The following AGBL1 variants were observed in gnomAD, a reference collection of about 807,000 sequenced individuals.
AGBL1 encodes the protein AGBL carboxypeptidase 1.
Under a neutral mutation model 118.9 loss-of-function variants are expected in AGBL1, and 130 were observed. The ratio of observed to expected loss-of-function variants is 1.09; its 90% confidence interval spans 0.95 to 1.26. AGBL1 has a LOEUF of 1.26. AGBL1 is among the 50% of genes most tolerant of loss of function. The probability of loss-of-function intolerance (pLI) is 0.00; values close to 1 mark genes in which losing one functional copy is unlikely to be tolerated. For synonymous variants in AGBL1, 555 were observed against 478.9 expected, an observed-to-expected ratio of 1.16 and a Z score of -2.08; for missense variants, 1,584 against 1,298.1, an observed-to-expected ratio of 1.22 and a Z score of -3.38.
intron 18 of AGBL1, among the ~76,000 whole-genome samples, chr15:86,483,661 C>G (rs756725619): frequency 6.6e-6 from 1 of 152,028 alleles, no homozygotes; most frequent in African/African-American, 2.4e-5. Flanking sequence ...TAACTCTGCC[C>G]CAATCACTGT....
intron 17 of AGBL1, among the ~76,000 whole-genome samples, chr15:86,354,551 T>C (rs1041285808): frequency 2.0e-5 from 3 of 152,172 alleles, no homozygotes; most frequent in East Asian, 3.9e-4. Context: ...ATGTAAAATA[T>C]GAAAACAGAG....
chr15:86,526,622 A>AGT (rs1198254405), intron 19 of AGBL1, among the ~76,000 whole-genome samples: 2 of 147,554 alleles, frequency 1.4e-5, no homozygotes, highest in Non-Finnish European at 3.0e-5. Flanking sequence ...ATAAATACAC[A>AGT]GTATATATAT....
chr15:86,889,606 C>T (rs2080021426), intron 22 of AGBL1, among the ~76,000 whole-genome samples: 1 of 152,124 alleles, frequency 6.6e-6, no homozygotes, highest in Admixed American at 6.5e-5. Context: ...TCCATGTGTT[C>T]TCATTGTTCA....
chr15:86,201,663 G>A (rs2077909205), intron 5 of AGBL1, among the ~76,000 whole-genome samples: 10 of 152,198 alleles, frequency 6.6e-5, no homozygotes, highest in Admixed American at 5.9e-4. Context: ...AAACCTGGCA[G>A]CTGGAGGGAG....
intron 19 of AGBL1, 58 bp from the exon 20 acceptor site, chr15:86,545,944 A>G: frequency 4.4e-6 from 7 of 1,576,462 alleles, no homozygotes; most frequent in Non-Finnish European, 6.1e-6. Flanking sequence ...ATTTAAGTGG[A>G]TTTAAGAAAC....
chr15:86,802,380 C>A (rs554422680), intron 22 of AGBL1, among the ~76,000 whole-genome samples: 1 of 152,092 alleles, frequency 6.6e-6, no homozygotes, highest in African/African-American at 2.4e-5. Context: ...ATCACAGAGC[C>A]TGGCACTTGC....
At chr15:86,975,460 C>T (rs1001512211) in intron 23 of AGBL1, among the ~76,000 whole-genome samples, 5 of 152,192 alleles carry the variant, frequency 3.3e-5, no homozygotes, top group African/African-American at 1.2e-4. Context: ...TCCCACGACA[C>T]CTGGGAATTA....
intron 21 of AGBL1, among the ~76,000 whole-genome samples, chr15:86,638,393 T>G (rs2085136007): frequency 6.6e-6 from 1 of 152,214 alleles, no homozygotes; most frequent in African/African-American, 2.4e-5. Flanking sequence ...TTCACTTGCA[T>G]CTGTATCACC....
At chr15:86,785,517 G>GGCGC (rs2078398765) in intron 22 of AGBL1, among the ~76,000 whole-genome samples, 1 of 151,950 alleles carries the variant, frequency 6.6e-6, no homozygotes, top group South Asian at 2.1e-4. Flanking sequence ...TAGGACTACA[G>GGCGC]GCGCACATCA....
Position 86,622,984 on chromosome 15 carries a change from A to T in AGBL1, c.2995-51289A>T, listed in dbSNP as rs116475856. ...CATGCAGTGCAGCCTAGATCCCTCAAGTGCACAGTTCACAATAGGGTTCGC... is the reference window on the plus strand; with the variant it reads ...CATGCAGTGCAGCCTAGATCCCTCATGTGCACAGTTCACAATAGGGTTCGC... On this transcript the variant is annotated intron_variant, in intron 21 of 22. Transcript: ENST00000614907. Among the ~76,000 whole-genome samples the T allele has an allele frequency of 8.4e-3, 1,283 of 152,268 alleles. 15 individuals carry two copies. Among genetic ancestry groups the T allele is most frequent in the African/African-American group, 0.024 (988 of 41,552 alleles).
rs575124804 is a variant in AGBL1, at chr15:86,914,104, G to A, written c.*6810G>A. The A allele has an allele frequency of 6.6e-6, 1 of 152,334 alleles. No homozygotes were observed. Among genetic ancestry groups the A allele is most frequent in the East Asian group, 1.9e-4 (1 of 5,182 alleles). The allele number at this position is 152,334 out of a possible 1,614,324, so 9.4% of individuals were successfully genotyped here. A position where few individuals can be genotyped will look rare whatever the true frequency, so the allele number is the denominator to read the frequency against. ...GTCTTGAAGGGCAGGGCAAGACATG[G>A]CATTGAGTTCAATTGTCTCTACTGG... On this transcript the variant is annotated 3_prime_UTR_variant, in exon 23 of 23. Transcript: ENST00000614907.
intron 24 of AGBL1, chr15:86,988,272 G>T: frequency 1.6e-6 from 1 of 619,824 alleles, no homozygotes; most frequent in South Asian, 2.2e-5. Flanking sequence ...TGGTTGCAAC[G>T]ATTTACATTC....
intron 22 of AGBL1, among the ~76,000 whole-genome samples, chr15:86,879,719 C>A (rs1281959647): frequency 6.6e-6 from 1 of 152,192 alleles, no homozygotes; most frequent in Non-Finnish European, 1.5e-5. Flanking sequence ...GAAAGTGTTG[C>A]TCATCTCTGC....
chr15:86,637,039 CAT>C (rs1488813022), intron 21 of AGBL1, among the ~76,000 whole-genome samples: 2 of 151,788 alleles, frequency 1.3e-5, no homozygotes. Context: ...GACAAGCAGA[CAT>C]AAAGAACTGT....
At chr15:86,402,077 A>G (rs566153157) in intron 18 of AGBL1, among the ~76,000 whole-genome samples, 7 of 152,092 alleles carry the variant, frequency 4.6e-5, no homozygotes, top group African/African-American at 7.2e-5. Flanking sequence ...CTACCTGTCC[A>G]TGAGCATGGG....
intron 17 of AGBL1, among the ~76,000 whole-genome samples, chr15:86,376,307 C>A (rs2081040516): frequency 6.6e-6 from 1 of 152,226 alleles, no homozygotes; most frequent in African/African-American, 2.4e-5. Flanking sequence ...TCTGTACTAA[C>A]TGCAAGTTTG....
At chr15:86,210,857 T>C (rs1304597886) in intron 5 of AGBL1, among the ~76,000 whole-genome samples, 1 of 152,208 alleles carries the variant, frequency 6.6e-6, no homozygotes, top group African/African-American at 2.4e-5. Flanking sequence ...TTTGTTCCGT[T>C]GTTGGTGAGG....
At chr15:86,976,814 G>A (rs940384673) in intron 23 of AGBL1, among the ~76,000 whole-genome samples, 5 of 151,702 alleles carry the variant, frequency 3.3e-5, no homozygotes, top group Non-Finnish European at 7.4e-5. Context: ...ATATTTATTC[G>A]TATATACGCA....
chr15:87,006,501 G>T (rs2081506006), intron 24 of AGBL1, among the ~76,000 whole-genome samples: 2 of 152,314 alleles, frequency 1.3e-5, no homozygotes, highest in South Asian at 4.1e-4. Flanking sequence ...CAGGCACGGG[G>T]TATAATCTCC....
Sources: allele counts gnomAD v4.1 joint callset (sites outside exome capture counted in the v4.1 genomes callset), GRCh38; gene constraint gnomAD v4.1.1; transcripts MANE v1.5; gene names NCBI Gene and HGNC (gene_info 2026-07-23, HGNC 2026-07-21).